Variants in BRD1 observed in about 807,000 individuals in gnomAD.
BRD1 encodes the protein bromodomain-containing protein 1.
A neutral mutation model predicts 107.7 loss-of-function variants in BRD1; 24 were observed. The ratio of observed to expected loss-of-function variants is 0.22; its 90% CI spans 0.16 to 0.31. The LOEUF is 0.31. Among genes scored for constraint, BRD1 ranks in the 10% least tolerant of loss-of-function variants. The pLI is 1.00. For missense variants in BRD1, 1,279 were observed against 1,638.6 expected, an observed-to-expected ratio of 0.78 and a Z score of 3.79; for synonymous variants, 744 against 686.1, an observed-to-expected ratio of 1.08 and a Z score of -1.32.
chr22:49,799,694 C>T (rs2059606545), intron 3 of BRD1, among the ~76,000 whole-genome samples: 1 of 152,228 alleles, frequency 6.6e-6, no homozygotes, highest in Admixed American at 6.5e-5. Context: ...ATTGATAGCA[C>T]CTGCTCCCTT....
chr22:49,800,173 CA>C (rs1230157887), intron 3 of BRD1, among the ~76,000 whole-genome samples: 1 of 152,154 alleles, frequency 6.6e-6, no homozygotes, highest in Non-Finnish European at 1.5e-5. Flanking sequence ...GGTGTGAAGG[CA>C]AAGACTGCTG....
chr22:49,787,393 C>G lies in BRD1; in HGVS notation c.2854G>C (p.Ala952Pro). 6.3e-7 allele frequency: 1 copy of G among 1,581,152 alleles called. No individual in the cohort carries two copies. Among genetic ancestry groups the G allele is most frequent in the Non-Finnish European group, 8.6e-7 (1 of 1,161,118 alleles). ...CAGGGCCGCCCGCGGCATTTACCTG[C>G]GTCCAGGCGCTTTCCTGGGGACTCC... ...EEESPGKRLD[A>P]GLTNGFGGAR... Residue 952 changes from alanine to proline, a missense_variant, in exon 8 of 13, where the codon GCA becomes CCA. Ala to Pro is a conservative substitution (Grantham distance 27). Transcript: ENST00000404760.
chr22:49,789,514 C>T (rs138843), intron 7 of BRD1, among the ~76,000 whole-genome samples: 51,667 of 149,004 alleles, frequency 0.35, 11,551 homozygotes, highest in African/African-American at 0.64. Flanking sequence ...CGAGCTCTCG[C>T]CCTGATTACG....
chr22:49,824,415 C>G lies in BRD1; in HGVS notation c.-14-84G>C. 1 of 1,526,612 alleles carries G rather than the reference C, an allele frequency of 6.6e-7. No homozygotes were observed. The allele number at this position is 1,526,612 out of a possible 1,614,324, so 94.6% of individuals were successfully genotyped here. A position where few individuals can be genotyped will look rare whatever the true frequency, so the allele number is the denominator to read the frequency against. ...ACCACAAAAGCATGCTTGGACAGAT[C>G]TAGCTCAGCAGCTCAAAGCCCAATC... On this transcript the variant is annotated intron_variant, in intron 1 of 12. Transcript: ENST00000404760. This position sits in a 1 kb window ranked among gnomAD's most constrained non-coding sequence, Gnocchi z 5.9.
chr22:49,809,740 G>A (rs910252812), intron 2 of BRD1, among the ~76,000 whole-genome samples: 8 of 152,094 alleles, frequency 5.3e-5, no homozygotes, highest in Admixed American at 6.6e-5. Flanking sequence ...GACCATGATC[G>A]AAGGAAGTGA....
rs201943691 is a variant in BRD1, at chr22:49,794,099, G to A, written c.2294C>T (p.Thr765Met). ...TTCGAAGCCTTCCAAGCCTGGCCCC[G>A]TGGGCAGGGGCTGGCTGTGCTGCTG... The part of the protein sequence containing the change: ...LSQQHSQPLP[T>M]GPGLEGFEED... Residue 765 changes from threonine to methionine, a missense_variant, in exon 7 of 13, where the codon ACG becomes ATG. Thr to Met is a moderately conservative substitution (Grantham distance 81, BLOSUM62 -1). Around this residue, in one of 7 missense-constraint regions of BRD1, gnomAD observed 406 missense variants for 519.4 expected, o/e 0.78. Transcript: ENST00000404760. 18 of 1,614,098 alleles carry A rather than the reference G, an allele frequency of 1.1e-5. No individual in the cohort carries two copies. Among genetic ancestry groups the A allele is most frequent in the Admixed American group, 6.7e-5 (4 of 60,008 alleles).
chr22:49,809,323 T>C (rs922973025), intron 2 of BRD1, among the ~76,000 whole-genome samples: 10 of 152,012 alleles, frequency 6.6e-5, no homozygotes, highest in Non-Finnish European at 1.5e-4. Flanking sequence ...AGGTGGATCA[T>C]GAGGTCAGGA....
rs1274555437 is a variant in BRD1, at chr22:49,794,053, C to A, written c.2340G>T (p.Gly780=). The A allele has an allele frequency of 6.2e-7, 1 of 1,613,224 alleles. No homozygotes were observed. Among genetic ancestry groups the A allele is most frequent in the African/African-American group, 1.3e-5 (1 of 74,930 alleles). ...GCTTACCTTCCTCGCCCGCCTCCGG[C>A]CCCAGCGCAGCTCCGTCCTCTTCGA... ...EGFEEDGAAL[G]PEAGEEGDKS... Residue 780 remains glycine, a synonymous_variant, in exon 7 of 13, where the codon GGG becomes GGT. Transcript: ENST00000404760.
chr22:49,800,874 C>T (rs1748439002), intron 3 of BRD1, among the ~76,000 whole-genome samples: 2 of 152,248 alleles, frequency 1.3e-5, no homozygotes, highest in Non-Finnish European at 2.9e-5. Flanking sequence ...CCATTCCAGA[C>T]ACATGGGGGA....
rs908518067 is a variant in BRD1, at chr22:49,827,567, C to A, written c.-85G>T. The A allele has an allele frequency of 7.0e-5, 10 of 142,812 alleles. No individual in the cohort carries two copies. The highest frequency in any genetic ancestry group is 1.2e-4 in the Non-Finnish European group (8 of 64,638). The allele number at this position is 142,812 out of a possible 1,614,324, so 8.8% of individuals were successfully genotyped here. On this transcript the variant is annotated 5_prime_UTR_variant, in exon 1 of 13. Transcript: ENST00000404760. ...GGGGGCCGGCGCGGCCGAGGCGGTG[C>A]TAATGGCGCCCGCGGCTCCTCCGCC...
chr22:49,776,395 T>G (rs1022244572), intron 10 of BRD1, among the ~76,000 whole-genome samples: 9 of 152,184 alleles, frequency 5.9e-5, no homozygotes, highest in African/African-American at 1.9e-4. Context: ...GGGAAGCTCC[T>G]GCCCTCCAGG....
At chr22:49,818,137 C>G in intron 2 of BRD1, 1 of 855,764 alleles carries the variant, frequency 1.2e-6, no homozygotes, top group Non-Finnish European at 1.4e-6. Context: ...CCAGTGAAGG[C>G]GGGAGGAGCA....
intron 2 of BRD1, among the ~76,000 whole-genome samples, chr22:49,819,360 G>A (rs1314115732): frequency 1.3e-5 from 2 of 152,054 alleles, no homozygotes; most frequent in Non-Finnish European, 2.9e-5. Context: ...GGGAGGCCGA[G>A]GCAGGCAGAT....
intron 1 of BRD1, among the ~76,000 whole-genome samples, chr22:49,827,193 C>A (rs887018434): frequency 1.3e-3 from 194 of 151,352 alleles, no homozygotes; most frequent in African/African-American, 4.4e-3. Context: ...GCCGCCGAGA[C>A]CCACAGCCCG....
rs2059038956 is a variant in BRD1, at chr22:49,774,326, G to T, written c.3477C>A (p.Ile1159=). The T allele has an allele frequency of 6.2e-7, 1 of 1,614,228 alleles. No individual in the cohort carries two copies. The highest frequency in any genetic ancestry group is 8.5e-7 in the Non-Finnish European group (1 of 1,180,030). Residue 1159 remains isoleucine (I), a synonymous_variant, in exon 13 of 13, where the codon ATC becomes ATA. Coordinates refer to ENST00000404760, the MANE Select transcript of BRD1 (RefSeq NM_001304808.3). The stretch of plus-strand genomic sequence containing the variant: ...CAAAAGCGATCCGCACGGCCTTCCG[G>T]ATGCTGGAATTCCTCCCTTCCATCA... ...LKMMEGRNSS[I]RKAVRIAFDR... is the part of the protein sequence containing the mutation.
intron 2 of BRD1, chr22:49,805,327 G>A (rs2059720723): frequency 1.3e-5 from 2 of 152,334 alleles, no homozygotes; most frequent in Non-Finnish European, 2.9e-5. Flanking sequence ...ACCAGACCCA[G>A]AACTGACCGT....
At chr22:49,818,226 C>G (rs938183639) in intron 2 of BRD1, 29 of 1,199,930 alleles carry the variant, frequency 2.4e-5, no homozygotes, top group Non-Finnish European at 2.8e-5. Context: ...CCTTGCCTAT[C>G]TGAGGTTCTT....
intron 2 of BRD1, chr22:49,817,400 A>G (rs2059974344): frequency 6.3e-6 from 1 of 159,948 alleles, no homozygotes; most frequent in Admixed American, 6.3e-5. Context: ...CTATTAGGAC[A>G]TGGGCTGGAC....
chr22:49,809,556 T>C (rs541897480), intron 2 of BRD1, among the ~76,000 whole-genome samples: 1 of 149,842 alleles, frequency 6.7e-6, no homozygotes, highest in Admixed American at 6.6e-5. Flanking sequence ...AAAATATATA[T>C]ATATATATAT....
Sources: gnomAD v4.1 joint callset for allele counts (sites outside exome capture counted in the v4.1 genomes callset) on GRCh38, gnomAD v4.1.1 for gene constraint, gnomAD v4.1.1 regional missense constraint, Gnocchi (gnomAD v3.1) non-coding constraint, MANE v1.5 for transcripts, NCBI Gene and HGNC (gene_info 2026-07-23, HGNC 2026-07-21) for gene names.